Variants in GMDS observed in about 807,000 individuals in gnomAD.
GMDS encodes GDP-mannose 4,6-dehydratase.
Under a neutral mutation model 49.9 loss-of-function variants are expected in GMDS, and 20 were observed. The observed-to-expected ratio is 0.40, with a 90% CI of 0.28 to 0.58. GMDS has a LOEUF of 0.58. GMDS is among the 20% of genes least tolerant of loss of function. The pLI is 0.42. For synonymous variants in GMDS, 177 were observed against 178.6 expected, an observed-to-expected ratio of 0.99 and a Z score of 0.07; for missense variants, 362 against 481.4, an observed-to-expected ratio of 0.75 and a Z score of 2.32.
chr6:2,208,488 G>A (rs1779909009), intron 1 of GMDS, among the ~76,000 whole-genome samples: 1 of 152,148 alleles, frequency 6.6e-6, no homozygotes, highest in African/African-American at 2.4e-5. Flanking sequence ...ACTTTTTACA[G>A]TCACAGGAAA....
chr6:1,753,231 G>C (rs1767804118), intron 7 of GMDS, among the ~76,000 whole-genome samples: 1 of 152,088 alleles, frequency 6.6e-6, no homozygotes, highest in Non-Finnish European at 1.5e-5. Flanking sequence ...AAAAAAGCAG[G>C]GGGTGCAATC....
At chr6:1,936,875 G>A (rs377710343) in intron 6 of GMDS, among the ~76,000 whole-genome samples, 14 of 150,212 alleles carry the variant, frequency 9.3e-5, no homozygotes, top group African/African-American at 3.4e-4. Context: ...GCTGAGGCAC[G>A]AAAATCATTT....
At chr6:1,834,710 A>G (rs1388950851) in intron 7 of GMDS, among the ~76,000 whole-genome samples, 2 of 152,192 alleles carry the variant, frequency 1.3e-5, no homozygotes, top group Non-Finnish European at 2.9e-5. Context: ...CTATACAATA[A>G]TTCCAGAATA....
chr6:2,076,706 G>C lies in GMDS; in HGVS notation c.345+39065C>G, dbSNP rs565533702. On this transcript the variant is annotated intron_variant, in intron 4 of 10. Coordinates refer to ENST00000380815, the MANE Select transcript of GMDS (RefSeq NM_001500.4). Reference sequence around the variant, plus strand: ...ATGGTGCTGGGAAAACTGGCTAGCTGTATGTAGAAAGCTGAAACTGGATCC... The same window carrying C: ...ATGGTGCTGGGAAAACTGGCTAGCTCTATGTAGAAAGCTGAAACTGGATCC... Among the ~76,000 whole-genome samples, 749 of 152,220 alleles carry C rather than the reference G, an allele frequency of 4.9e-3. 1 individual carries two copies. The highest frequency in any genetic ancestry group is 0.01 in the Middle Eastern group (3 of 292).
chr6:2,214,192 T>C (rs779678028), intron 1 of GMDS, among the ~76,000 whole-genome samples: 2 of 152,218 alleles, frequency 1.3e-5, no homozygotes, highest in Non-Finnish European at 2.9e-5. Flanking sequence ...TTCATAATGG[T>C]ACTAAAAACA....
intron 4 of GMDS, among the ~76,000 whole-genome samples, chr6:2,096,890 C>T (rs1028880268): frequency 6.6e-4 from 101 of 152,178 alleles, no homozygotes; most frequent in African/African-American, 2.3e-3. Flanking sequence ...TACACAGACA[C>T]ATCTAGAGAC....
Position 1,942,214 on chromosome 6 carries a change from G to A in GMDS, c.644-11984C>T, listed in dbSNP as rs1053542027. Among the ~76,000 whole-genome samples, 25 of 152,138 alleles carry A rather than the reference G, an allele frequency of 1.6e-4. 1 individual carries two copies. Among genetic ancestry groups the A allele is most frequent in the African/African-American group, 5.3e-4 (22 of 41,434 alleles). On this transcript the variant is annotated intron_variant, in intron 6 of 10. Transcript: ENST00000380815. The stretch of plus-strand genomic sequence containing the variant: ...GGTCTCACCCTGCACCCAGTAGCCC[G>A]GGAGTCCTCTTTGATTCCTTTCTCA...
chr6:1,649,051 T>TATG (rs368044387), intron 9 of GMDS, among the ~76,000 whole-genome samples: 1 of 152,222 alleles, frequency 6.6e-6, no homozygotes, highest in African/African-American at 2.4e-5. Flanking sequence ...AGTGTAAATT[T>TATG]ATGACACTGT....
chr6:1,858,586 T>G (rs919728589), intron 7 of GMDS, among the ~76,000 whole-genome samples: 7 of 152,158 alleles, frequency 4.6e-5, no homozygotes, highest in African/African-American at 1.7e-4. Context: ...CACTGAGAAA[T>G]GCACACTATA....
At chr6:2,078,643 C>G (rs931315108) in intron 4 of GMDS, among the ~76,000 whole-genome samples, 3 of 151,944 alleles carry the variant, frequency 2.0e-5, no homozygotes, top group African/African-American at 4.8e-5. Flanking sequence ...TATGATCTTG[C>G]GTTTTAAAAA....
chr6:2,073,857 G>A (rs1419345435), intron 4 of GMDS, among the ~76,000 whole-genome samples: 1 of 152,050 alleles, frequency 6.6e-6, no homozygotes, highest in Non-Finnish European at 1.5e-5. Context: ...ATGTTTTACG[G>A]CCAAATAATA....
At chr6:2,054,750 A>T (rs78906641) in intron 4 of GMDS, among the ~76,000 whole-genome samples, 2,620 of 151,566 alleles carry the variant, frequency 0.017, 50 homozygotes, top group South Asian at 0.095. Context: ...TTTTTTACCC[A>T]GGGGGGGAAA....
At chr6:1,936,310 C>T (rs551626114) in intron 6 of GMDS, among the ~76,000 whole-genome samples, 9 of 152,242 alleles carry the variant, frequency 5.9e-5, no homozygotes, top group Non-Finnish European at 1.0e-4. Flanking sequence ...CTAAGGCAGT[C>T]GCTGAAATGG....
At chr6:1,900,064 T>C (rs538973154) in intron 7 of GMDS, among the ~76,000 whole-genome samples, 6 of 152,330 alleles carry the variant, frequency 3.9e-5, no homozygotes, top group African/African-American at 1.2e-4. Flanking sequence ...TGAGTCAACG[T>C]TCAAGGCTTA....
chr6:1,722,879 T>C (rs1388150300), intron 9 of GMDS, among the ~76,000 whole-genome samples: 1 of 152,230 alleles, frequency 6.6e-6, no homozygotes, highest in Non-Finnish European at 1.5e-5. Context: ...ACTAATGTTA[T>C]CATCAACAAA....
At chr6:1,878,380 G>T (rs1581294099) in intron 7 of GMDS, among the ~76,000 whole-genome samples, 1 of 138,322 alleles carries the variant, frequency 7.2e-6, no homozygotes, top group Admixed American at 7.1e-5. Flanking sequence ...ATTCCCCAAA[G>T]ACATCCTTCC....
chr6:1,798,974 G>A (rs1025357440), intron 7 of GMDS, among the ~76,000 whole-genome samples: 1 of 152,098 alleles, frequency 6.6e-6, no homozygotes, highest in Non-Finnish European at 1.5e-5. Flanking sequence ...TCAAACATAG[G>A]GTGTTCTGGG....
chr6:1,964,775 C>A (rs1764167041), intron 4 of GMDS, among the ~76,000 whole-genome samples: 1 of 152,012 alleles, frequency 6.6e-6, no homozygotes, highest in Non-Finnish European at 1.5e-5. Context: ...TGTGCTGCAC[C>A]CAGTAACTCG....
rs1315020602 is a variant in GMDS at position 1,836,050 on chromosome 6, G to C, written c.772-93464C>G. 6.6e-6 allele frequency among the ~76,000 whole-genome samples: 1 copy of C among 152,052 alleles called. No individual in the cohort carries two copies. The highest frequency in any genetic ancestry group is 1.9e-4 in the East Asian group (1 of 5,190). On this transcript the variant is annotated intron_variant, in intron 7 of 10. Coordinates refer to ENST00000380815, the MANE Select transcript of GMDS (RefSeq NM_001500.4). This position sits in a 1 kb window ranked among gnomAD's most constrained non-coding sequence, Gnocchi z 4.2. ...GCCTGGCTAATTTTTTGGATTTTTA[G>C]TAGAGACAGGGTTTCACCATGTTAG...
Sources: gnomAD v4.1 joint callset for allele counts (sites outside exome capture counted in the v4.1 genomes callset) on GRCh38, gnomAD v4.1.1 for gene constraint, Gnocchi (gnomAD v3.1) non-coding constraint, MANE v1.5 for transcripts, NCBI Gene and HGNC (gene_info 2026-07-23, HGNC 2026-07-21) for gene names.